ACSL4: variants seen among roughly 807,000 people sequenced by gnomAD.
ACSL4 encodes the protein acyl-CoA synthetase long chain family member 4.
A neutral mutation model predicts 49.1 loss-of-function variants in ACSL4; 9 were observed. That is an observed-to-expected ratio of 0.18 (90% CI 0.11 to 0.32). The LOEUF (loss-of-function observed/expected upper bound fraction) is 0.32, where lower values mean the gene tolerates loss of function less well. Ranked by LOEUF, ACSL4 falls within the 10% of genes least tolerant of loss-of-function variation. The probability of loss-of-function intolerance (pLI) is 1.00; values close to 1 mark genes in which losing one functional copy is unlikely to be tolerated. For missense variants in ACSL4, 333 were observed against 493.7 expected (o/e 0.67, Z 3.08); for synonymous variants, 191 against 170.3 (o/e 1.12, Z -0.95).
intron 1 of ACSL4, among the ~76,000 whole-genome samples, chrX:109,705,247 C>A (rs1245539696): frequency 8.9e-6 from 1 of 112,067 alleles, no homozygotes; most frequent in Non-Finnish European, 1.9e-5. Flanking sequence ...AGTGTGCACA[C>A]AGATGTTTCC....
rs190117747 is a variant in ACSL4, at chrX:109,704,647, T to G, written c.-65-8451A>C. Among the ~76,000 whole-genome samples the G allele has an allele frequency of 4.4e-3, 486 of 111,205 alleles. 3 individuals carry two copies. Among genetic ancestry groups the G allele is most frequent in the South Asian group, 0.018 (47 of 2,682 alleles). On this transcript the variant is annotated intron_variant, in intron 1 of 15. Coordinates refer to ENST00000672401, the MANE Select transcript of ACSL4 (RefSeq NM_001318510.2). ...CAAACCTGGAGGACACTATGCTAAGTGAAATAAGCTAGACACAGAAGGACA... is the reference window on the plus strand; with the variant it reads ...CAAACCTGGAGGACACTATGCTAAGGGAAATAAGCTAGACACAGAAGGACA...
intron 1 of ACSL4, among the ~76,000 whole-genome samples, chrX:109,730,912 G>A (rs937203905): frequency 1.1e-4 from 12 of 111,211 alleles, no homozygotes; most frequent in African/African-American, 3.6e-4. Flanking sequence ...ATGATCCGCC[G>A]GCCTCGGCCT....
intron 1 of ACSL4, among the ~76,000 whole-genome samples, chrX:109,730,240 T>C (rs762010977): frequency 9.0e-6 from 1 of 111,631 alleles, no homozygotes; most frequent in Non-Finnish European, 1.9e-5. Flanking sequence ...TACAACTATA[T>C]GTGAATCTAC....
At chrX:109,645,915 G>A (rs976153441) in intron 15 of ACSL4, among the ~76,000 whole-genome samples, 1 of 112,221 alleles carries the variant, frequency 8.9e-6, no homozygotes, top group African/African-American at 3.2e-5. Context: ...TGGATGAAAG[G>A]CTATCAATGA....
intron 2 of ACSL4, among the ~76,000 whole-genome samples, chrX:109,686,805 C>G (rs997923606): frequency 2.7e-5 from 3 of 110,528 alleles, no homozygotes; most frequent in Admixed American, 1.9e-4. Context: ...CACACACACA[C>G]AGTAGGCAAG....
At chrX:109,671,106 C>G (rs1198390925) in intron 9 of ACSL4, among the ~76,000 whole-genome samples, 1 of 110,210 alleles carries the variant, frequency 9.1e-6, no homozygotes, top group East Asian at 2.9e-4. Flanking sequence ...ATGTGAGGAG[C>G]CCCTCTGCCC....
intron 12 of ACSL4, 147 bp downstream of exon 12, chrX:109,665,273 C>T (rs1922537469): frequency 1.2e-5 from 6 of 500,570 alleles, no homozygotes; most frequent in African/African-American, 2.4e-5. Context: ...AAAGATATCA[C>T]TGAGGAAAAA....
chrX:109,693,041 G>A (rs779585321), intron 2 of ACSL4, among the ~76,000 whole-genome samples: 3 of 111,454 alleles, frequency 2.7e-5, no homozygotes, highest in Non-Finnish European at 5.6e-5. Flanking sequence ...GTTACAGGGA[G>A]AATTTTACAA....
chrX:109,647,687 A>T (rs1478869628), intron 15 of ACSL4, among the ~76,000 whole-genome samples: 7 of 111,878 alleles, frequency 6.3e-5, no homozygotes, highest in African/African-American at 2.3e-4. Context: ...GCAAAACTGA[A>T]GGAAATAGAG....
At chrX:109,665,092 G>A (rs1055883262) in intron 12 of ACSL4, among the ~76,000 whole-genome samples, 1 of 111,125 alleles carries the variant, frequency 9.0e-6, no homozygotes, top group Non-Finnish European at 1.9e-5. Flanking sequence ...AAAAATCTGG[G>A]GTTTCTCAGC....
intron 15 of ACSL4, among the ~76,000 whole-genome samples, chrX:109,646,288 T>A (rs1341889525): frequency 9.0e-6 from 1 of 111,375 alleles, no homozygotes. Context: ...TGGGGTACCC[T>A]CAAAGGGAAG....
chrX:109,667,892 CAA>C (rs1208639189), intron 11 of ACSL4, among the ~76,000 whole-genome samples: 1 of 82,273 alleles, frequency 1.2e-5, no homozygotes. Flanking sequence ...AACTCCATCT[CAA>C]AAAAAAAAAA....
chrX:109,678,518 A>C, intron 6 of ACSL4, 103 bp from the exon 7 acceptor site: 2 of 1,008,736 alleles, frequency 2.0e-6, no homozygotes, highest in Non-Finnish European at 2.8e-6. Flanking sequence ...AGCTATCAAT[A>C]GACAGTATTT....
At position 109,683,386 on chromosome X, in the gene ACSL4, G is replaced by T; in HGVS notation, c.-12-11C>A. On this transcript the variant is annotated splice_polypyrimidine_tract_variant and intron_variant, in intron 2 of 15. Transcript: ENST00000672401. ...CATAGCGTTTTTCTTCTTGGCATTG[G>T]TAAGAAAATACCATGGAATAAATAT... 1 of 1,210,611 alleles carries T rather than the reference G, an allele frequency of 8.3e-7. No individual in the cohort carries two copies. Among genetic ancestry groups the T allele is most frequent in the Non-Finnish European group, 1.1e-6 (1 of 894,444 alleles).
At chrX:109,699,928 T>C (rs1004677394) in intron 1 of ACSL4, among the ~76,000 whole-genome samples, 14 of 111,004 alleles carry the variant, frequency 1.3e-4, no homozygotes, top group Non-Finnish European at 3.8e-5. Flanking sequence ...CCCTTAAGAA[T>C]ATATGTGAGC....
chrX:109,647,166 A>C (rs987558398), intron 15 of ACSL4, among the ~76,000 whole-genome samples: 2 of 111,402 alleles, frequency 1.8e-5, no homozygotes, highest in Admixed American at 1.9e-4. Context: ...CTCTGCACCA[A>C]GTGGACCTAA....
chrX:109,691,259 T>C (rs181619313), intron 2 of ACSL4, among the ~76,000 whole-genome samples: 244 of 112,330 alleles, frequency 2.2e-3, no homozygotes, highest in Non-Finnish European at 3.9e-3. Flanking sequence ...TTTAGAAGTC[T>C]CATTTTCAAG....
intron 2 of ACSL4, among the ~76,000 whole-genome samples, chrX:109,695,413 C>T (rs1385914341): frequency 9.1e-6 from 1 of 109,559 alleles, no homozygotes; most frequent in African/African-American, 3.3e-5. Flanking sequence ...GATTTAACTC[C>T]ATCAATAATA....
intron 1 of ACSL4, among the ~76,000 whole-genome samples, chrX:109,699,204 T>C (rs1366685040): frequency 9.0e-6 from 1 of 111,452 alleles, no homozygotes; most frequent in Admixed American, 9.5e-5. Context: ...CCATCTCTAC[T>C]AAAAATACAA....
Sources: gnomAD v4.1 joint callset for allele counts (sites outside exome capture counted in the v4.1 genomes callset) on GRCh38, gnomAD v4.1.1 for gene constraint, MANE v1.5 for transcripts, NCBI Gene and HGNC (gene_info 2026-07-23, HGNC 2026-07-21) for gene names.